MYH3: variants seen among roughly 807,000 people sequenced by gnomAD.
MYH3 encodes the protein myosin-3.
MYH3 carries 130 observed loss-of-function variants against 238.0 expected under a neutral mutation model. That is an observed-to-expected ratio of 0.55 (90% CI 0.47 to 0.63). The LOEUF (loss-of-function observed/expected upper bound fraction) is 0.63, where lower values mean the gene tolerates loss of function less well. Among genes scored for constraint, MYH3 ranks in the 30% least tolerant of loss-of-function variants. MYH3 has a pLI of 0.00. For synonymous variants in MYH3, 880 were observed against 924.1 expected, an observed-to-expected ratio of 0.95 and a Z score of 0.86; for missense variants, 1,853 against 2,374.9, an observed-to-expected ratio of 0.78 and a Z score of 4.57.
At chr17:10,655,121 C>T (rs2074415576) in intron 2 of MYH3, 49 bp from the exon 3 acceptor site, 2 of 1,468,388 alleles carry the variant, frequency 1.4e-6, no homozygotes, top group Non-Finnish European at 1.9e-6. Flanking sequence ...TTGCCAGGCA[C>T]CCAGCAGCTC....
chr17:10,640,734 A>C (rs905455949), intron 19 of MYH3, 48 bp from the exon 20 acceptor site: 30 of 1,599,692 alleles, frequency 1.9e-5, no homozygotes, highest in Non-Finnish European at 2.0e-5. Flanking sequence ...CAAAGACACA[A>C]ACCTTGGAGA....
chr17:10,660,707 A>C (rs1261334241), upstream of MYH3, among the ~76,000 whole-genome samples: 1 of 126,184 alleles, frequency 7.9e-6, no homozygotes, highest in Non-Finnish European at 1.7e-5. Flanking sequence ...CCAGCCGGGC[A>C]TGGTGGCTCA....
At chr17:10,646,114 G>A (rs574817307) in intron 10 of MYH3, 82 bp from the exon 11 acceptor site, 75 of 1,178,654 alleles carry the variant, frequency 6.4e-5, no homozygotes, top group South Asian at 1.8e-4. Context: ...TGCACCCTGG[G>A]CTGGAACTTT....
intron 1 of MYH3, among the ~76,000 whole-genome samples, chr17:10,656,511 T>G (rs1321566218): frequency 2.1e-5 from 3 of 143,810 alleles, no homozygotes; most frequent in Non-Finnish European, 4.4e-5. Context: ...CACTCCAGCC[T>G]GGGCGACAAG....
At chr17:10,655,802 C>A (rs1013929827) in intron 2 of MYH3, among the ~76,000 whole-genome samples, 28 of 152,186 alleles carry the variant, frequency 1.8e-4, no homozygotes, top group Non-Finnish European at 2.9e-4. Flanking sequence ...CAGGCACTTG[C>A]CACCACGTCC....
At chr17:10,652,747 A>T (rs549827918) in intron 3 of MYH3, among the ~76,000 whole-genome samples, 184 bp from the exon 4 acceptor site, 1 of 150,338 alleles carries the variant, frequency 6.7e-6, no homozygotes, top group African/African-American at 2.5e-5. Flanking sequence ...TCAGCCTCCC[A>T]AGTAGCTGGG....
In MYH3 at chr17:10,628,557, T is replaced by A; in HGVS notation, c.*96A>T. On this transcript the variant is annotated 3_prime_UTR_variant, in exon 41 of 41. Transcript: ENST00000583535. ...TTGAAACAAAGCAAAGTTTATTGCA[T>A]GTGAAAAAGAGTCACATGGACATTA... 7.2e-7 allele frequency: 1 copy of A among 1,383,504 alleles called. No individual in the cohort carries two copies. 85.7% of individuals were successfully genotyped at this position (1,383,504 alleles called of 1,614,324 possible). A position where few individuals can be genotyped will look rare whatever the true frequency, so the allele number is the denominator to read the frequency against.
chr17:10,654,231 CTCTT>C lies in MYH3; in HGVS notation c.204+626_204+629del, dbSNP rs1390515370. ...CTTCCTTCCCTCCATCTCTCTTTCA[CTCTT>C]TCTTTCTTTTTTCCTTTTTTTGCTT... On this transcript the variant is annotated intron_variant, in intron 3 of 40. Coordinates refer to ENST00000583535, the MANE Select transcript of MYH3 (RefSeq NM_002470.4). The surrounding 1 kb of genome is among the most constrained non-coding windows in gnomAD (Gnocchi z 4.5). 2.2e-4 allele frequency among the ~76,000 whole-genome samples: 33 copies of C among 148,192 alleles called. No individual in the cohort carries two copies. Among genetic ancestry groups the C allele is most frequent in the Middle Eastern group, 3.5e-3 (1 of 286 alleles).
At chr17:10,671,976 A>AT in the MYH3 span, among the ~76,000 whole-genome samples, 1 of 152,168 alleles carries the variant, frequency 6.6e-6, no homozygotes, top group Non-Finnish European at 1.5e-5. Flanking sequence ...TCTTTGTTAT[A>AT]TATTTTTGAT....
Position 10,651,573 on chromosome 17 carries a change from G to C in MYH3, c.444C>G (p.Arg148=), listed in dbSNP as rs148322984. Residue 148 remains arginine, a synonymous_variant, in exon 5 of 41, where the codon CGC becomes CGG. Transcript: ENST00000583535. ...EVVEGYRGKK[R]QEAPPHIFSI... ...AGAAGATGTGGGGTGGGGCCTCCTG[G>C]CGCTTTTTGCCTCGGTAGCCTTCCA... 4.5e-5 allele frequency: 73 copies of C among 1,613,886 alleles called. No homozygotes were observed. The African/African-American group carries it at 8.8e-4, about 19-fold the overall frequency.
At chr17:10,647,725 AAT>A (rs1385975120) in intron 8 of MYH3, among the ~76,000 whole-genome samples, 1 of 152,042 alleles carries the variant, frequency 6.6e-6, no homozygotes, top group African/African-American at 2.4e-5. Context: ...CTGTATTTTT[AAT>A]AGAGACGGGG....
chr17:10,661,048 C>T (rs2074477056), upstream of MYH3, among the ~76,000 whole-genome samples: 1 of 151,376 alleles, frequency 6.6e-6, no homozygotes, highest in Non-Finnish European at 1.5e-5. Context: ...GCTATCTTAG[C>T]TCACCGCAAC....
Position 10,642,630 on chromosome 17 carries a change from C to T in MYH3, c.1675G>A (p.Gly559Arg). The T allele has an allele frequency of 6.2e-7, 1 of 1,614,200 alleles. No individual in the cohort carries two copies. Among genetic ancestry groups the T allele is most frequent in the Non-Finnish European group, 8.5e-7 (1 of 1,180,042 alleles). The change falls in exon 16 of 41, where the codon GGA becomes AGA. Residue 559 changes from glycine (G) to arginine (R), a missense_variant. Physicochemically the swap from Gly to Arg is moderately radical, Grantham distance 125. This residue lies in a region of MYH3 where 678 missense variants were observed against 1,058.9 expected (regional missense o/e 0.64). Coordinates refer to ENST00000583535, the MANE Select transcript of MYH3 (RefSeq NM_002470.4). This position sits in a 1 kb window ranked among gnomAD's most constrained non-coding sequence, Gnocchi z 5.4. ...GGCTTCTGGAAGTTGTTGGACTTTCCAAGATGCTGGTCATACAGCTTGTTC... is the reference window on the plus strand; with the variant it reads ...GGCTTCTGGAAGTTGTTGGACTTTCTAAGATGCTGGTCATACAGCTTGTTC... ...FKNKLYDQHL[G>R]KSNNFQKPKV...
At chr17:10,663,158 G>A in the MYH3 span, among the ~76,000 whole-genome samples, 3 of 152,194 alleles carry the variant, frequency 2.0e-5, no homozygotes, top group South Asian at 4.2e-4. Context: ...GACATTTTAC[G>A]TGCCAGACAC....
At chr17:10,645,906 C>T (rs1414024250) in intron 11 of MYH3, 23 bp downstream of exon 11, 1 of 1,613,744 alleles carries the variant, frequency 6.2e-7, no homozygotes, top group Non-Finnish European at 8.5e-7. Flanking sequence ...GGAACACCCA[C>T]CCCTTCTGTT....
chr17:10,644,736 T>C (rs1555526697), intron 12 of MYH3, 34 bp from the exon 13 acceptor site: 1 of 1,494,994 alleles, frequency 6.7e-7, no homozygotes, highest in South Asian at 1.1e-5. Flanking sequence ...CTTAGAAAAG[T>C]AGAAGAGCTG....
At chr17:10,665,040 G>A in the MYH3 span, among the ~76,000 whole-genome samples, 1 of 152,158 alleles carries the variant, frequency 6.6e-6, no homozygotes, top group East Asian at 1.9e-4. Flanking sequence ...GGGAGCAAAC[G>A]GCATCATGAT....
In MYH3 at chr17:10,652,520, G is replaced by A; in HGVS notation, c.248C>T (p.Pro83Leu). The change falls in exon 4 of 41, where the codon CCC becomes CTC. Residue 83 changes from proline (P) to leucine (L), a missense_variant. By Grantham distance (98) the Pro-to-Leu change is moderately conservative. Around this residue, in one of 3 missense-constraint regions of MYH3, gnomAD observed 131 missense variants for 123.5 expected, o/e 1.06. Coordinates refer to ENST00000583535, the MANE Select transcript of MYH3 (RefSeq NM_002470.4). ...KPEDVYAMNPPKFDRIEDMAM... is the reference protein window; with the variant it reads ...KPEDVYAMNPLKFDRIEDMAM... ...CATGTCTTCGATCCTGTCGAACTTG[G>A]GGGGGTTCATGGCGTACACATCCTC... The A allele has an allele frequency of 6.2e-7, 1 of 1,612,904 alleles. No homozygotes were observed. Among genetic ancestry groups the A allele is most frequent in the Admixed American group, 1.7e-5 (1 of 59,930 alleles).
At chr17:10,650,343 T>C (rs763785836) in intron 6 of MYH3, 31 bp downstream of exon 6, 2 of 1,596,876 alleles carry the variant, frequency 1.3e-6, no homozygotes, top group Non-Finnish European at 1.7e-6. Flanking sequence ...GTGGCACAGC[T>C]ATGAAACCAC....
Sources: gnomAD v4.1 joint callset for allele counts (sites outside exome capture counted in the v4.1 genomes callset) on GRCh38, gnomAD v4.1.1 for gene constraint, gnomAD v4.1.1 regional missense constraint, Gnocchi (gnomAD v3.1) non-coding constraint, MANE v1.5 for transcripts, NCBI Gene and HGNC (gene_info 2026-07-23, HGNC 2026-07-21) for gene names.